Variants in MYOM2 observed in about 807,000 individuals in gnomAD.
MYOM2 encodes myomesin 2.
In MYOM2, 254 loss-of-function variants were observed where a neutral mutation model predicts 187.6. The observed-to-expected ratio is 1.35, with a 90% CI of 1.22 to 1.50. The LOEUF is 1.50. MYOM2 is among the 40% of genes most tolerant of loss of function. MYOM2 has a pLI of 0.00. For missense variants in MYOM2, 2,796 were observed against 1,924.0 expected (o/e 1.45, Z -8.48); for synonymous variants, 981 against 753.8 (o/e 1.30, Z -4.94).
Position 2,108,790 on chromosome 8 carries a change from C to A in MYOM2, c.3003C>A (p.Leu1001=), listed in dbSNP as rs761652238. ...SSSFVLDPEE[L]ERLMALSNEI... Reference sequence around the variant, plus strand: ...AATACTTTTTCTTCGTTTTAGAGCTCGAGCGTTTGATGGCATTGAGCAATG... The same window carrying A: ...AATACTTTTTCTTCGTTTTAGAGCTAGAGCGTTTGATGGCATTGAGCAATG... Residue 1001 remains leucine, a synonymous_variant, in exon 24 of 37, where the codon CTC becomes CTA. Coordinates refer to ENST00000262113, the MANE Select transcript of MYOM2 (RefSeq NM_003970.4). 1 of 1,613,714 alleles carries A rather than the reference C, an allele frequency of 6.2e-7. No individual in the cohort carries two copies. Among genetic ancestry groups the A allele is most frequent in the South Asian group, 1.1e-5 (1 of 90,982 alleles).
chr8:2,129,751 T>G (rs1797787174), intron 32 of MYOM2, among the ~76,000 whole-genome samples: 1 of 152,114 alleles, frequency 6.6e-6, no homozygotes, highest in Non-Finnish European at 1.5e-5. Context: ...ACCAGAGACT[T>G]CTCATGCAAC....
chr8:2,135,265 T>A (rs1313001233), intron 32 of MYOM2, among the ~76,000 whole-genome samples: 1 of 152,258 alleles, frequency 6.6e-6, no homozygotes, highest in African/African-American at 2.4e-5. Context: ...TCCTTTCATC[T>A]TTAGCCATAC....
chr8:2,128,898 T>A (rs1797751596), intron 31 of MYOM2, among the ~76,000 whole-genome samples: 1 of 152,232 alleles, frequency 6.6e-6, no homozygotes, highest in Non-Finnish European at 1.5e-5. Context: ...TCTTTTACAG[T>A]ATTCTGCAAA....
At chr8:2,096,131 T>C in intron 17 of MYOM2, 116 bp from the exon 18 acceptor site, 3 of 952,656 alleles carry the variant, frequency 3.1e-6, no homozygotes, top group Non-Finnish European at 4.8e-6. Context: ...GGGCACAGTG[T>C]TCAGGCCCGT....
In MYOM2 at chr8:2,120,680, T is replaced by TATATATTTCCTGTATATATA; in HGVS notation, c.3454-2572_3454-2571insATATATTTCCTGTATATATA. Reference sequence around the variant, plus strand: ...CCTGTATATATATATATATATTATATTATATATAAATATATAATATATATA... The same window carrying TATATATTTCCTGTATATATA: ...CCTGTATATATATATATATATTATATATATATTTCCTGTATATATATATATATAAATATATAATATATATA... On this transcript the variant is annotated intron_variant, in intron 28 of 36. Coordinates refer to ENST00000262113, the MANE Select transcript of MYOM2 (RefSeq NM_003970.4). Among the ~76,000 whole-genome samples, 55 of 48,294 alleles carry TATATATTTCCTGTATATATA rather than the reference T, an allele frequency of 1.1e-3. 5 individuals are homozygous for TATATATTTCCTGTATATATA. The highest frequency in any genetic ancestry group is 3.5e-3 in the African/African-American group (53 of 15,260). 31.7% of individuals were successfully genotyped at this position (48,294 alleles called of 152,430 possible).
chr8:2,047,663 A>C (rs1281898427), intron 1 of MYOM2, among the ~76,000 whole-genome samples: 2 of 152,216 alleles, frequency 1.3e-5, no homozygotes, highest in Non-Finnish European at 2.9e-5. Context: ...GGTCCTGAGC[A>C]TGAAGTGAGC....
At chr8:2,101,930 G>C (rs1490950853) in intron 20 of MYOM2, 1 of 152,248 alleles carries the variant, frequency 6.6e-6, no homozygotes, top group Non-Finnish European at 1.5e-5. Flanking sequence ...GACTGGGTCA[G>C]GTGTAAGGAC....
At chr8:2,085,188 T>G in intron 13 of MYOM2, 75 bp from the exon 14 acceptor site, 1 of 1,556,716 alleles carries the variant, frequency 6.4e-7, no homozygotes, top group Non-Finnish European at 8.7e-7. Flanking sequence ...GGCAGAGTCC[T>G]CCAGTGCCCC....
In MYOM2 at chr8:2,109,529, G is replaced by A. The variant is rs1375888081; in HGVS notation, c.3178G>A (p.Glu1060Lys). 3 of 1,610,356 alleles carry A rather than the reference G, an allele frequency of 1.9e-6. No individual in the cohort carries two copies. The highest frequency in any genetic ancestry group is 1.3e-5 in the African/African-American group (1 of 74,764). ...TAACGACAGAGAAGTCTCTGACAGC[G>A]AGGTGAGTTCCTGTGTGAGTGATCT... is the stretch of plus-strand genomic sequence containing the variant. ...IINDREVSDSEIHRIKCDKAT... is the reference protein window; with the variant it reads ...IINDREVSDSKIHRIKCDKAT... Residue 1060 changes from glutamate (E) to lysine (K), a missense_variant and splice_region_variant, in exon 25 of 37, where the codon GAG becomes AAG. Glu to Lys is a moderately conservative substitution (Grantham distance 56, BLOSUM62 1). Transcript: ENST00000262113.
intron 31 of MYOM2, among the ~76,000 whole-genome samples, chr8:2,125,041 C>A (rs571748780): frequency 4.6e-5 from 7 of 152,078 alleles, no homozygotes; most frequent in Non-Finnish European, 1.0e-4. Context: ...TGGGTTCTTT[C>A]TTCCTTTTGT....
At chr8:2,096,129 T>A in intron 17 of MYOM2, 118 bp from the exon 18 acceptor site, 1 of 896,494 alleles carries the variant, frequency 1.1e-6, no homozygotes, top group South Asian at 1.6e-5. Context: ...GAGGGCACAG[T>A]GTTCAGGCCC....
chr8:2,084,439 G>A (rs1426071711), intron 13 of MYOM2, among the ~76,000 whole-genome samples: 4 of 152,126 alleles, frequency 2.6e-5, no homozygotes, highest in Admixed American at 6.6e-5. Context: ...GAGATGTCCC[G>A]GGGAGGTTTC....
chr8:2,089,231 G>GGTTTTTTTTTTTTTTTTTTTTTTT (rs1796208704), intron 14 of MYOM2, among the ~76,000 whole-genome samples: 1 of 152,012 alleles, frequency 6.6e-6, no homozygotes. Flanking sequence ...ATGTAATCAA[G>GGTTTTTTTTTTTTTTTTTTTTTTT]GTTTTTAAAG....
chr8:2,080,584 A>G (rs1055655414), intron 13 of MYOM2, among the ~76,000 whole-genome samples: 3 of 152,228 alleles, frequency 2.0e-5, no homozygotes, highest in Non-Finnish European at 4.4e-5. Context: ...AGGACACTCA[A>G]TACATAAGGA....
At chr8:2,062,240 G>A (rs1450824764) in intron 6 of MYOM2, among the ~76,000 whole-genome samples, 1 of 152,222 alleles carries the variant, frequency 6.6e-6, no homozygotes. Context: ...CTTTGCTGGA[G>A]GGAGGCGGGG....
rs531730807 is a variant in MYOM2, at chr8:2,052,441, G to T, written c.263+128G>T. On this transcript the variant is annotated intron_variant, in intron 3 of 36. Coordinates refer to ENST00000262113, the MANE Select transcript of MYOM2 (RefSeq NM_003970.4). ...TCAAGGAACACAGGCCATGCCTGGGGTGAGAGGGAGAATGCTGCTGTTTCC... is the reference window on the plus strand; with the variant it reads ...TCAAGGAACACAGGCCATGCCTGGGTTGAGAGGGAGAATGCTGCTGTTTCC... 46 of 981,652 alleles carry T rather than the reference G, an allele frequency of 4.7e-5. No individual in the cohort carries two copies. In the African/African-American group the frequency reaches 7.5e-4, roughly 16 times the overall value. The allele number at this position is 981,652 out of a possible 1,614,324, so 60.8% of individuals were successfully genotyped here.
At chr8:2,078,090 T>A (rs1477638483) in intron 11 of MYOM2, among the ~76,000 whole-genome samples, 1 of 152,238 alleles carries the variant, frequency 6.6e-6, no homozygotes, top group Non-Finnish European at 1.5e-5. Flanking sequence ...TGTGAAGGTT[T>A]TTTTCTTACA....
In MYOM2 at chr8:2,100,103, TC is replaced by T. The variant is rs1796643318; in HGVS notation, c.2441-771del. 2.6e-3 allele frequency among the ~76,000 whole-genome samples: 274 copies of T among 103,796 alleles called. 16 individuals carry two copies. The highest frequency in any genetic ancestry group is 8.3e-3 in the African/African-American group (228 of 27,364). The allele number at this position is 103,796 out of a possible 152,430, so 68.1% of individuals were successfully genotyped here. A position where few individuals can be genotyped will look rare whatever the true frequency, so the allele number is the denominator to read the frequency against. Reference sequence around the variant, plus strand: ...TTTCTTCTTTCCTTCCTTCCTTCCTTCCTTCTTTCTTTCCTTCCTTCCTTCT... The same window carrying T: ...TTTCTTCTTTCCTTCCTTCCTTCCTTCTTCTTTCTTTCCTTCCTTCCTTCT... On this transcript the variant is annotated intron_variant, in intron 19 of 36. Coordinates refer to ENST00000262113, the MANE Select transcript of MYOM2 (RefSeq NM_003970.4).
intron 10 of MYOM2, 115 bp downstream of exon 10, chr8:2,073,615 G>T (rs1819314354): frequency 1.7e-5 from 21 of 1,264,462 alleles, no homozygotes; most frequent in Admixed American, 5.8e-5. Context: ...AGACCACTTT[G>T]CTCCTTGGAG....
Sources: allele counts gnomAD v4.1 joint callset (sites outside exome capture counted in the v4.1 genomes callset), GRCh38; gene constraint gnomAD v4.1.1; transcripts MANE v1.5; gene names NCBI Gene and HGNC (gene_info 2026-07-23, HGNC 2026-07-21).